Variants in PDE10A observed in about 807,000 individuals in gnomAD.
PDE10A encodes the protein phosphodiesterase 10A.
PDE10A carries 39 observed loss-of-function variants against 97.7 expected under a neutral mutation model. The observed-to-expected ratio is 0.40, with a 90% CI of 0.31 to 0.52. The LOEUF is 0.52. Ranked by LOEUF, PDE10A falls within the 20% of genes least tolerant of loss-of-function variation. The probability of loss-of-function intolerance (pLI) is 0.56; values close to 1 mark genes in which losing one functional copy is unlikely to be tolerated. For missense variants in PDE10A, 731 were observed against 1,047.8 expected, an observed-to-expected ratio of 0.70 and a Z score of 4.17; for synonymous variants, 371 against 376.8, an observed-to-expected ratio of 0.98 and a Z score of 0.18.
chr6:165,702,868 A>ATT lies in PDE10A; in HGVS notation c.-614-159301_-614-159300insAA, dbSNP rs1297929328. Among the ~76,000 whole-genome samples the ATT allele has an allele frequency of 3.9e-4, 60 of 152,320 alleles. No individual in the cohort carries two copies. The South Asian group carries it at 9.5e-3, about 24-fold the overall frequency. On this transcript the variant is annotated intron_variant, in intron 1 of 19. Transcript: ENST00000366882. ...AATGTGAGGCTCTGACGTTCCTAACACATGAGATGACTCTGGAAGCCAGGA... is the reference window on the plus strand; with the variant it reads ...AATGTGAGGCTCTGACGTTCCTAACATTCATGAGATGACTCTGGAAGCCAGGA...
In PDE10A at chr6:165,388,262, T is replaced by C. The variant is rs1785440939; in HGVS notation, c.2610+36A>G. 1 of 1,607,860 alleles carries C rather than the reference T, an allele frequency of 6.2e-7. No homozygotes were observed. Among genetic ancestry groups the C allele is most frequent in the Non-Finnish European group, 8.5e-7 (1 of 1,174,884 alleles). ...AGTATCCCTATCTCCCAGACAGCCC[T>C]TCAGACTAAGCGAGAGACGGCGTGC... is the stretch of plus-strand genomic sequence containing the variant. On this transcript the variant is annotated intron_variant, in intron 17 of 21. Coordinates refer to ENST00000539869, the MANE Select transcript of PDE10A (RefSeq NM_001385079.1). This position sits in a 1 kb window ranked among gnomAD's most constrained non-coding sequence, Gnocchi z 4.0.
chr6:165,826,273 A>C (rs1030407364), intron 1 of PDE10A, among the ~76,000 whole-genome samples: 7 of 150,756 alleles, frequency 4.6e-5, no homozygotes, highest in African/African-American at 1.7e-4. Context: ...TGGCCCTCTG[A>C]CTCGATGTCC....
intron 1 of PDE10A, among the ~76,000 whole-genome samples, chr6:165,719,038 A>G (rs1792098022): frequency 6.6e-6 from 1 of 152,192 alleles, no homozygotes; most frequent in Non-Finnish European, 1.5e-5. Flanking sequence ...TGAAAATGGA[A>G]TATTACAAAT....
chr6:165,518,815 C>T (rs1781970489), intron 2 of PDE10A, among the ~76,000 whole-genome samples: 1 of 152,100 alleles, frequency 6.6e-6, no homozygotes, highest in East Asian at 1.9e-4. Flanking sequence ...AAGTTACAGC[C>T]GCAGCACAAG....
chr6:165,803,275 C>A (rs1295053221), intron 1 of PDE10A, among the ~76,000 whole-genome samples: 1 of 152,184 alleles, frequency 6.6e-6, no homozygotes, highest in Non-Finnish European at 1.5e-5. Flanking sequence ...TCTAGATATG[C>A]TCCCTGAGTG....
intron 1 of PDE10A, among the ~76,000 whole-genome samples, chr6:165,718,651 C>T (rs1056588220): frequency 1.3e-5 from 2 of 151,904 alleles, no homozygotes; most frequent in Non-Finnish European, 2.9e-5. Flanking sequence ...CACCTTTTCC[C>T]CCCGGACGAG....
intron 1 of PDE10A, chr6:165,775,610 T>C (rs755639666): frequency 7.2e-5 from 11 of 152,212 alleles, no homozygotes; most frequent in Non-Finnish European, 1.2e-4. Context: ...CCGCTTACAT[T>C]TTCCTAGTGG....
intron 2 of PDE10A, among the ~76,000 whole-genome samples, chr6:165,484,748 G>T (rs1011483676): frequency 6.6e-6 from 1 of 152,202 alleles, no homozygotes; most frequent in African/African-American, 2.4e-5. Flanking sequence ...TGCTTCAATT[G>T]CACAGCTGCA....
At chr6:165,602,246 CCCTCCTGTCTT>C (rs1268055851) in intron 1 of PDE10A, among the ~76,000 whole-genome samples, 1 of 152,166 alleles carries the variant, frequency 6.6e-6, no homozygotes, top group Non-Finnish European at 1.5e-5. Context: ...CCCACTGTCT[CCCTCCTGTCTT>C]CCTAGTTCTA....
intron 1 of PDE10A, among the ~76,000 whole-genome samples, chr6:165,580,638 T>C (rs973750658): frequency 2.0e-5 from 3 of 152,200 alleles, no homozygotes; most frequent in African/African-American, 4.8e-5. Context: ...GGACTGAATA[T>C]GGAGAGAGTG....
intron 1 of PDE10A, among the ~76,000 whole-genome samples, chr6:165,934,685 T>C (rs1783264680): frequency 6.6e-6 from 1 of 152,192 alleles, no homozygotes; most frequent in South Asian, 2.1e-4. Flanking sequence ...CTTATCCAGT[T>C]CTTAGGATGG....
intron 1 of PDE10A, among the ~76,000 whole-genome samples, chr6:165,658,037 T>C (rs529270177): frequency 6.6e-6 from 1 of 152,222 alleles, no homozygotes; most frequent in Non-Finnish European, 1.5e-5. Flanking sequence ...ATCTGTGAGT[T>C]AGCTGTTGGC....
At chr6:165,974,321 C>T (rs1273568754) in intron 1 of PDE10A, among the ~76,000 whole-genome samples, 2 of 152,172 alleles carry the variant, frequency 1.3e-5, no homozygotes, top group African/African-American at 4.8e-5. Flanking sequence ...ATCCTTCAGG[C>T]TAATGGGAGA....
chr6:165,376,176 T>G (rs560997625), intron 18 of PDE10A, among the ~76,000 whole-genome samples: 29 of 152,322 alleles, frequency 1.9e-4, no homozygotes, highest in African/African-American at 6.5e-4. Context: ...TGAAAACCTT[T>G]TGGAAAAGAT....
intron 1 of PDE10A, among the ~76,000 whole-genome samples, chr6:165,570,870 G>T (rs1785017421): frequency 6.6e-6 from 1 of 152,166 alleles, no homozygotes; most frequent in African/African-American, 2.4e-5. Context: ...ACAAGGTTAG[G>T]TTCCTACAAG....
intron 1 of PDE10A, among the ~76,000 whole-genome samples, chr6:165,695,256 A>C (rs1274835233): frequency 2.0e-5 from 3 of 152,182 alleles, no homozygotes; most frequent in Non-Finnish European, 4.4e-5. Flanking sequence ...ACAAAAAAAC[A>C]TATAGCCTCT....
At chr6:165,916,605 A>G (rs1447346911) in intron 1 of PDE10A, among the ~76,000 whole-genome samples, 1 of 152,230 alleles carries the variant, frequency 6.6e-6, no homozygotes, top group East Asian at 1.9e-4. Flanking sequence ...CTCCTTTGCC[A>G]TCTTCTCCCG....
chr6:165,579,964 T>C lies in PDE10A; in HGVS notation c.866-36396A>G, dbSNP rs181830323. On this transcript the variant is annotated intron_variant, in intron 1 of 21. Coordinates refer to ENST00000539869, the MANE Select transcript of PDE10A (RefSeq NM_001385079.1). ...AATATTGTTGTCTCCCAGCCCCTAC[T>C]AGCCCAACTCCTGACCCTCCTCACT... Among the ~76,000 whole-genome samples the C allele has an allele frequency of 1.9e-3, 283 of 152,326 alleles. 2 individuals carry two copies. The highest frequency in any genetic ancestry group is 2.2e-3 in the Non-Finnish European group (149 of 68,028).
At chr6:165,689,996 A>G (rs1582934285) in intron 1 of PDE10A, among the ~76,000 whole-genome samples, 1 of 152,086 alleles carries the variant, frequency 6.6e-6, no homozygotes, top group African/African-American at 2.4e-5. Flanking sequence ...TTTTTTTTTA[A>G]CAAGACATTT....
Sources: allele counts gnomAD v4.1 joint callset (sites outside exome capture counted in the v4.1 genomes callset), GRCh38; gene constraint gnomAD v4.1.1; non-coding constraint Gnocchi (gnomAD v3.1); transcripts MANE v1.5; gene names NCBI Gene and HGNC (gene_info 2026-07-23, HGNC 2026-07-21).